The following USP31 variants were observed in gnomAD, a reference collection of about 807,000 sequenced individuals.
USP31 encodes ubiquitin carboxyl-terminal hydrolase 31.
In USP31, 44 loss-of-function variants were observed where a neutral mutation model predicts 119.4. The ratio of observed to expected loss-of-function variants is 0.37; its 90% confidence interval spans 0.29 to 0.47. The LOEUF is 0.47. Ranked by LOEUF, USP31 falls within the 20% of genes least tolerant of loss-of-function variation. The probability of loss-of-function intolerance (pLI) is 0.99; values close to 1 mark genes in which losing one functional copy is unlikely to be tolerated. For missense variants in USP31, 1,643 were observed against 1,730.2 expected (o/e 0.95, Z 0.89); for synonymous variants, 749 against 705.6 (o/e 1.06, Z -0.97).
intron 6 of USP31, among the ~76,000 whole-genome samples, chr16:23,091,016 T>C (rs1173347101): frequency 6.6e-6 from 1 of 152,192 alleles, no homozygotes; most frequent in African/African-American, 2.4e-5. Flanking sequence ...TAAACTAGCC[T>C]TACCTATCTT....
chr16:23,063,879 C>T lies in USP31; in HGVS notation c.*4167G>A, dbSNP rs987392450. Reference sequence around the variant, plus strand: ...AAAAATGGTCATGCTCAAAATGCATCTGCAAAATACTTTGAAAGTTGATCA... The same window carrying T: ...AAAAATGGTCATGCTCAAAATGCATTTGCAAAATACTTTGAAAGTTGATCA... On this transcript the variant is annotated 3_prime_UTR_variant, in exon 16 of 16. Transcript: ENST00000219689. The T allele has an allele frequency of 6.6e-6, 1 of 152,092 alleles. No homozygotes were observed. The highest frequency in any genetic ancestry group is 1.5e-5 in the Non-Finnish European group (1 of 68,010). The allele number at this position is 152,092 out of a possible 1,614,324, so 9.4% of individuals were successfully genotyped here. A position where few individuals can be genotyped will look rare whatever the true frequency, so the allele number is the denominator to read the frequency against.
intron 5 of USP31, among the ~76,000 whole-genome samples, chr16:23,103,675 G>A (rs1365103900): frequency 6.6e-6 from 1 of 152,242 alleles, no homozygotes; most frequent in Non-Finnish European, 1.5e-5. Context: ...AGCACTTTGG[G>A]AGGCCAAGAC....
At chr16:23,077,557 G>A (rs552365617) in intron 13 of USP31, among the ~76,000 whole-genome samples, 87 of 152,140 alleles carry the variant, frequency 5.7e-4, no homozygotes, top group Middle Eastern at 3.4e-3. Context: ...ATAGTACCCA[G>A]GATTGGCCAG....
At chr16:23,084,127 G>C (rs1401000762) in intron 11 of USP31, among the ~76,000 whole-genome samples, 1 of 152,212 alleles carries the variant, frequency 6.6e-6, no homozygotes. Context: ...CTCCATTTAA[G>C]AGTGAAGAGT....
intron 1 of USP31, among the ~76,000 whole-genome samples, chr16:23,133,255 C>T (rs535261747): frequency 6.6e-6 from 1 of 152,216 alleles, no homozygotes; most frequent in African/African-American, 2.4e-5. Context: ...GAGGTCTGAC[C>T]CAAGCCCACG....
intron 1 of USP31, among the ~76,000 whole-genome samples, chr16:23,114,554 A>T (rs1567240938): frequency 6.6e-6 from 1 of 152,198 alleles, no homozygotes; most frequent in African/African-American, 2.4e-5. Flanking sequence ...TATACACAGC[A>T]TCCATTCAGA....
rs968949652 is a variant in USP31, at chr16:23,064,101, C to G, written c.*3945G>C. 6.6e-6 allele frequency: 1 copy of G among 152,622 alleles called. No homozygotes were observed. Among genetic ancestry groups the G allele is most frequent in the Non-Finnish European group, 1.5e-5 (1 of 68,038 alleles). 9.5% of individuals were successfully genotyped at this position (152,622 alleles called of 1,614,324 possible). A position where few individuals can be genotyped will look rare whatever the true frequency, so the allele number is the denominator to read the frequency against. Reference sequence around the variant, plus strand: ...TTGCCTTTCTCAACTACAAATAATACAAAGTTCCACGCACCTCCAGAATAC... The same window carrying G: ...TTGCCTTTCTCAACTACAAATAATAGAAAGTTCCACGCACCTCCAGAATAC... On this transcript the variant is annotated 3_prime_UTR_variant, in exon 16 of 16. Coordinates refer to ENST00000219689, the MANE Select transcript of USP31 (RefSeq NM_020718.4).
intron 1 of USP31, among the ~76,000 whole-genome samples, chr16:23,115,015 G>A (rs1024436887): frequency 6.7e-6 from 1 of 150,084 alleles, no homozygotes; most frequent in African/African-American, 2.4e-5. Flanking sequence ...CTAAGCTCAA[G>A]CTCCGGCTCT....
chr16:23,146,117 T>C (rs1261591851), intron 1 of USP31, among the ~76,000 whole-genome samples: 2 of 152,034 alleles, frequency 1.3e-5, no homozygotes, highest in Middle Eastern at 3.2e-3. Flanking sequence ...CTGTAGAAAC[T>C]GATTTTCACA....
chr16:23,130,423 C>A (rs1446961625), intron 1 of USP31, among the ~76,000 whole-genome samples: 2 of 150,878 alleles, frequency 1.3e-5, no homozygotes, highest in Non-Finnish European at 2.9e-5. Flanking sequence ...CCCCCCCCAA[C>A]TAATATTTTT....
chr16:23,085,012 C>G (rs765903166), intron 10 of USP31, 23 bp from the exon 11 acceptor site: 17 of 1,612,114 alleles, frequency 1.1e-5, no homozygotes, highest in Non-Finnish European at 1.2e-5. Flanking sequence ...GGAAAAGCAT[C>G]TATCAGGGAA....
Position 23,148,763 on chromosome 16 carries a change from G to A in USP31, c.508C>T (p.Pro170Ser). The change falls in exon 1 of 16, where the codon CCT (proline) becomes TCT (serine). Residue 170 changes from proline (P) to serine (S), a missense_variant. Coordinates refer to ENST00000219689, the MANE Select transcript of USP31 (RefSeq NM_020718.4). The part of the protein sequence containing the change: ...QYRAGRPEPS[P>S]DPEQPAGRGA... ...CGGCCCGCAGGCTGCTCCGGGTCAG[G>A]CGAGGGCTCGGGCCGCCCCGCCCGG... The A allele has an allele frequency of 6.6e-7, 1 of 1,522,924 alleles. No homozygotes were observed. Among genetic ancestry groups the A allele is most frequent in the Non-Finnish European group, 8.8e-7 (1 of 1,140,414 alleles). 94.3% of individuals were successfully genotyped at this position (1,522,924 alleles called of 1,614,324 possible).
At position 23,072,079 on chromosome 16, in the gene USP31, G is replaced by A. The variant is rs563391272; in HGVS notation, c.2454C>T (p.Ser818=). Residue 818 remains serine (S), a synonymous_variant, in exon 15 of 16, where the codon TCC becomes TCT. Coordinates refer to ENST00000219689, the MANE Select transcript of USP31 (RefSeq NM_020718.4). The part of the protein sequence containing the change: ...RRTSLASLSE[S]VEMTGERSED... ...CACTCCTTTCTCCAGTCATCTCCAC[G>A]GACTCAGAGAGCGACGCCAGGGAGG... 3.8e-5 allele frequency: 61 copies of A among 1,613,660 alleles called. 2 individuals carry two copies. The South Asian group carries it at 4.2e-4, about 11-fold the overall frequency.
Position 23,085,593 on chromosome 16 carries a change from T to C in USP31, c.1692A>G (p.Thr564=), listed in dbSNP as rs376613379. The C allele has an allele frequency of 1.1e-5, 18 of 1,613,022 alleles. No homozygotes were observed. Among genetic ancestry groups the C allele is most frequent in the Non-Finnish European group, 1.5e-5 (18 of 1,179,654 alleles). The part of the protein sequence containing the change: ...VKLVVEWDKE[T]RDFLFVNTED... ...ACTTTAAAAATACTCACAAATCTCTTGTCTCCTTGTCCCACTCGACTACTA... is the reference window on the plus strand; with the variant it reads ...ACTTTAAAAATACTCACAAATCTCTCGTCTCCTTGTCCCACTCGACTACTA... The change falls in exon 10 of 16, where the codon ACA becomes ACG. Residue 564 remains threonine (T), a synonymous_variant. Transcript: ENST00000219689.
Position 23,149,441 on chromosome 16 carries a change from G to A in USP31, c.-171C>T, listed in dbSNP as rs1471526081. 6.7e-6 allele frequency among the ~76,000 whole-genome samples: 1 copy of A among 148,258 alleles called. No individual in the cohort carries two copies. The highest frequency in any genetic ancestry group is 6.7e-5 in the Admixed American group (1 of 14,938). On this transcript the variant is annotated 5_prime_UTR_variant, in exon 1 of 16. Transcript: ENST00000219689. ...GCGAGCGGCGGCCGGCGGGGCCAGCGGGCGCGCGCGCGGTCCGCCCAGCTG... is the reference window on the plus strand; with the variant it reads ...GCGAGCGGCGGCCGGCGGGGCCAGCAGGCGCGCGCGCGGTCCGCCCAGCTG...
At chr16:23,072,226 C>T in intron 14 of USP31, 29 bp from the exon 15 acceptor site, 1 of 1,592,634 alleles carries the variant, frequency 6.3e-7, no homozygotes, top group Non-Finnish European at 8.5e-7. Context: ...GCATAGAGGT[C>T]AGGCTGGGGT....
intron 1 of USP31, among the ~76,000 whole-genome samples, chr16:23,138,164 A>C (rs1173465534): frequency 6.6e-6 from 1 of 152,226 alleles, no homozygotes; most frequent in African/African-American, 2.4e-5. Flanking sequence ...ATTTAGTGCT[A>C]GTTTACATCG....
Position 23,067,041 on chromosome 16 carries a change from C to G in USP31, c.*1005G>C, listed in dbSNP as rs1900102545. On this transcript the variant is annotated 3_prime_UTR_variant, in exon 16 of 16. Coordinates refer to ENST00000219689, the MANE Select transcript of USP31 (RefSeq NM_020718.4). ...AGCTACAAGATGAGGGAACATGAGC[C>G]CACAGACACAGGGCATCGTGGAGCT... is the stretch of plus-strand genomic sequence containing the variant. 2 of 152,202 alleles carry G rather than the reference C, an allele frequency of 1.3e-5. No individual in the cohort carries two copies. The highest frequency in any genetic ancestry group is 4.1e-4 in the South Asian group (2 of 4,820). 9.4% of individuals were successfully genotyped at this position (152,202 alleles called of 1,614,324 possible).
chr16:23,125,877 A>C (rs1437027051), intron 1 of USP31, among the ~76,000 whole-genome samples: 1 of 152,188 alleles, frequency 6.6e-6, no homozygotes, highest in Non-Finnish European at 1.5e-5. Flanking sequence ...AAAGCGTTGA[A>C]TTTCCTTCTC....
Sources: allele counts gnomAD v4.1 joint callset (sites outside exome capture counted in the v4.1 genomes callset), GRCh38; gene constraint gnomAD v4.1.1; transcripts MANE v1.5; gene names NCBI Gene and HGNC (gene_info 2026-07-23, HGNC 2026-07-21).